GABRG3: variants seen among roughly 807,000 people sequenced by gnomAD.
GABRG3 encodes gamma-aminobutyric acid type A receptor subunit gamma3, also known as gamma-aminobutyric acid receptor subunit gamma-3.
Under a neutral mutation model 48.8 loss-of-function variants are expected in GABRG3, and 25 were observed. The observed-to-expected ratio is 0.51, with a 90% confidence interval of 0.37 to 0.72. The LOEUF (loss-of-function observed/expected upper bound fraction) is 0.72. GABRG3 is among the 30% of genes least tolerant of loss of function. The pLI is 0.00. For synonymous variants in GABRG3, 227 were observed against 217.6 expected, an observed-to-expected ratio of 1.04 and a Z score of -0.38; for missense variants, 394 against 577.9, an observed-to-expected ratio of 0.68 and a Z score of 3.26.
chr15:26,993,029 C>G (rs945900367), intron 2 of GABRG3, among the ~76,000 whole-genome samples: 17 of 151,954 alleles, frequency 1.1e-4, no homozygotes, highest in African/African-American at 3.6e-4. Context: ...ACTAATGATC[C>G]TTTAAATTTC....
chr15:27,471,808 C>T (rs1245077848), intron 5 of GABRG3, among the ~76,000 whole-genome samples: 5 of 152,180 alleles, frequency 3.3e-5, no homozygotes, highest in African/African-American at 1.2e-4. Context: ...AGAGAAGTTT[C>T]ATCTTTCCTG....
chr15:27,538,706 G>A lies in GABRG3; in HGVS notation c.*5825G>A, dbSNP rs947085050. ...AATGCCCCAGACTGAGCAGGTAGCT[G>A]CTACATTTTCTCTTCTCTTTTCTAG... On this transcript the variant is annotated 3_prime_UTR_variant, in exon 10 of 10. Coordinates refer to ENST00000615808, the MANE Select transcript of GABRG3 (RefSeq NM_033223.5). 4.6e-5 allele frequency: 7 copies of A among 152,152 alleles called. No individual in the cohort carries two copies. The highest frequency in any genetic ancestry group is 1.4e-4 in the African/African-American group (6 of 41,414). 9.4% of individuals were successfully genotyped at this position (152,152 alleles called of 1,614,324 possible). A position where few individuals can be genotyped will look rare whatever the true frequency, so the allele number is the denominator to read the frequency against.
intron 5 of GABRG3, among the ~76,000 whole-genome samples, chr15:27,451,993 T>C (rs1889126805): frequency 6.6e-6 from 1 of 152,224 alleles, no homozygotes; most frequent in African/African-American, 2.4e-5. Flanking sequence ...GAGAGATCTT[T>C]GTACTATTCT....
chr15:27,243,768 G>A (rs1351049882), intron 3 of GABRG3, among the ~76,000 whole-genome samples: 6 of 151,870 alleles, frequency 4.0e-5, no homozygotes, highest in Non-Finnish European at 8.8e-5. Flanking sequence ...AGGTTTAAAG[G>A]GCCTTAAAAT....
chr15:27,415,465 T>C (rs962804356), intron 5 of GABRG3, among the ~76,000 whole-genome samples: 2 of 152,130 alleles, frequency 1.3e-5, no homozygotes, highest in Admixed American at 6.5e-5. Flanking sequence ...TTAGATCTCT[T>C]AGCATATTCA....
chr15:27,009,514 G>A (rs556613815), intron 2 of GABRG3, among the ~76,000 whole-genome samples: 2 of 152,314 alleles, frequency 1.3e-5, no homozygotes, highest in South Asian at 2.1e-4. Context: ...GCTGAGAAAG[G>A]TTTCCAGTAT....
intron 3 of GABRG3, among the ~76,000 whole-genome samples, chr15:27,082,661 G>A (rs576730763): frequency 4.6e-5 from 7 of 152,150 alleles, no homozygotes; most frequent in African/African-American, 1.2e-4. Context: ...GTTGCAGAAC[G>A]TGATTGATGT....
At chr15:27,021,764 G>A (rs1313456540) in intron 2 of GABRG3, among the ~76,000 whole-genome samples, 1 of 152,158 alleles carries the variant, frequency 6.6e-6, no homozygotes, top group African/African-American at 2.4e-5. Flanking sequence ...GATTGCCTAA[G>A]CCCAGGAGGT....
chr15:27,354,302 T>C (rs926957140), intron 5 of GABRG3, among the ~76,000 whole-genome samples: 24 of 152,344 alleles, frequency 1.6e-4, no homozygotes, highest in African/African-American at 5.5e-4. Context: ...CGTACCTCCT[T>C]CTCACCTTCT....
chr15:27,135,288 ATTAAT>A (rs1897989270), intron 3 of GABRG3, among the ~76,000 whole-genome samples: 1 of 152,212 alleles, frequency 6.6e-6, no homozygotes, highest in Non-Finnish European at 1.5e-5. Flanking sequence ...AGCAGAACTC[ATTAAT>A]AGCTTTGAGA....
intron 3 of GABRG3, among the ~76,000 whole-genome samples, chr15:27,306,164 T>G (rs1048706488): frequency 7.6e-6 from 1 of 132,230 alleles, no homozygotes; most frequent in Admixed American, 8.3e-5. Flanking sequence ...TAAACCTATA[T>G]GTTTATATAT....
intron 3 of GABRG3, among the ~76,000 whole-genome samples, chr15:27,263,454 T>G (rs1890823495): frequency 6.6e-6 from 1 of 152,146 alleles, no homozygotes; most frequent in Non-Finnish European, 1.5e-5. Flanking sequence ...TTAAGAGGTT[T>G]GAACTTGTCA....
intron 5 of GABRG3, among the ~76,000 whole-genome samples, chr15:27,359,770 G>A (rs1234884096): frequency 6.6e-6 from 1 of 151,658 alleles, no homozygotes; most frequent in Non-Finnish European, 1.5e-5. Flanking sequence ...CTATTTTCAT[G>A]CATCTTCCTT....
intron 3 of GABRG3, among the ~76,000 whole-genome samples, chr15:27,103,500 C>T (rs1408557695): frequency 1.3e-5 from 2 of 152,170 alleles, no homozygotes. Flanking sequence ...GTTGCCCCTG[C>T]AGCTGCAGGG....
chr15:27,442,268 C>T (rs1458650760), intron 5 of GABRG3, among the ~76,000 whole-genome samples: 1 of 152,224 alleles, frequency 6.6e-6, no homozygotes, highest in Non-Finnish European at 1.5e-5. Context: ...ATCAGCTCCC[C>T]TTCATCTGAA....
intron 3 of GABRG3, among the ~76,000 whole-genome samples, chr15:27,215,990 C>A (rs1337654752): frequency 6.6e-6 from 1 of 152,132 alleles, no homozygotes; most frequent in South Asian, 2.1e-4. Context: ...GGCTTCAGTC[C>A]CATTTATGTC....
intron 3 of GABRG3, among the ~76,000 whole-genome samples, chr15:27,138,120 G>A (rs988579427): frequency 1.3e-5 from 2 of 152,066 alleles, no homozygotes; most frequent in Admixed American, 1.3e-4. Context: ...TTTCCCAGTG[G>A]CAACCACTTT....
intron 3 of GABRG3, among the ~76,000 whole-genome samples, chr15:27,145,417 T>G (rs1898180495): frequency 6.6e-6 from 1 of 152,048 alleles, no homozygotes; most frequent in African/African-American, 2.4e-5. Context: ...AAAAATTCAC[T>G]AAAGGTACTC....
chr15:27,226,035 A>G (rs4243105), intron 3 of GABRG3, among the ~76,000 whole-genome samples: 24,672 of 152,124 alleles, frequency 0.16, 2,666 homozygotes, highest in East Asian at 0.41. Context: ...AGAAATGGCA[A>G]CATGGATGCT....
Sources: allele counts gnomAD v4.1 joint callset (sites outside exome capture counted in the v4.1 genomes callset), GRCh38; gene constraint gnomAD v4.1.1; transcripts MANE v1.5; gene names NCBI Gene and HGNC (gene_info 2026-07-23, HGNC 2026-07-21).